The following ZBTB20 variants were observed in gnomAD, a reference collection of about 807,000 sequenced individuals.
ZBTB20 encodes zinc finger and BTB domain containing 20.
Under a neutral mutation model 56.9 loss-of-function variants are expected in ZBTB20, and 9 were observed. That is an observed-to-expected ratio of 0.16 (90% CI 0.10 to 0.28). ZBTB20 has a LOEUF of 0.28. Ranked by LOEUF, ZBTB20 falls within the 10% of genes least tolerant of loss-of-function variation. The pLI is 1.00. For missense variants in ZBTB20, 655 were observed against 1,003.0 expected (o/e 0.65, Z 4.69); for synonymous variants, 417 against 420.7 (o/e 0.99, Z 0.11).
At chr3:114,388,605 G>A (rs2085436946) in intron 8 of ZBTB20, 1 of 152,360 alleles carries the variant, frequency 6.6e-6, no homozygotes. Flanking sequence ...AAAGCTGCTG[G>A]TCACAGATTT....
chr3:114,990,785 G>C (rs905886734), intron 2 of ZBTB20, among the ~76,000 whole-genome samples: 6 of 151,960 alleles, frequency 3.9e-5, no homozygotes, highest in Admixed American at 1.3e-4. Flanking sequence ...ATTTCAGAGC[G>C]TGTTATTGGT....
chr3:114,526,928 C>T (rs1046015590), intron 6 of ZBTB20, among the ~76,000 whole-genome samples: 4 of 152,166 alleles, frequency 2.6e-5, no homozygotes, highest in African/African-American at 9.6e-5. Flanking sequence ...CCCTTCTCCC[C>T]TCCTCCAGAT....
intron 6 of ZBTB20, among the ~76,000 whole-genome samples, chr3:114,579,669 C>T (rs2054447285): frequency 6.7e-6 from 1 of 150,118 alleles, no homozygotes. Context: ...GTAAATGAAA[C>T]AGAAAAATGT....
In ZBTB20 at chr3:114,338,679, A is replaced by G. The variant is rs1422964289; in HGVS notation, c.*326T>C. On this transcript the variant is annotated 3_prime_UTR_variant, in exon 12 of 12. Transcript: ENST00000675478. ...TTTTTTTTTTTTTTACTTTTTTTTAAAAGATTTTTTTGTAAAGAAGGGTTG... is the reference window on the plus strand; with the variant it reads ...TTTTTTTTTTTTTTACTTTTTTTTAGAAGATTTTTTTGTAAAGAAGGGTTG... The G allele has an allele frequency of 1.0e-5, 2 of 195,180 alleles. No individual in the cohort carries two copies. The highest frequency in any genetic ancestry group is 2.1e-5 in the Non-Finnish European group (2 of 97,538). The allele number at this position is 195,180 out of a possible 1,614,324, so 12.1% of individuals were successfully genotyped here.
chr3:114,552,984 G>A (rs59365855), intron 6 of ZBTB20, among the ~76,000 whole-genome samples: 5,357 of 152,246 alleles, frequency 0.035, 318 homozygotes, highest in African/African-American at 0.12. Flanking sequence ...GTCACTCCAA[G>A]AAGTGTCCTC....
At chr3:114,353,241 C>G (rs1235135152) in intron 10 of ZBTB20, among the ~76,000 whole-genome samples, 1 of 152,160 alleles carries the variant, frequency 6.6e-6, no homozygotes, top group African/African-American at 2.4e-5. Flanking sequence ...ACCCAAATCT[C>G]TCTGTCTTGT....
At chr3:114,827,372 A>AATTTT (rs199894156) in intron 4 of ZBTB20, among the ~76,000 whole-genome samples, 1,747 of 151,894 alleles carry the variant, frequency 0.012, 25 homozygotes, top group Non-Finnish European at 0.014. Flanking sequence ...GAGAAAGGTA[A>AATTTT]AGGCCGGGAC....
At chr3:114,614,144 G>T (rs560330699) in intron 6 of ZBTB20, among the ~76,000 whole-genome samples, 40 of 152,200 alleles carry the variant, frequency 2.6e-4, no homozygotes, top group African/African-American at 9.6e-4. Flanking sequence ...GAGTTGCCCT[G>T]CCTCATCTTG....
At chr3:114,454,247 G>A (rs576306111) in intron 7 of ZBTB20, among the ~76,000 whole-genome samples, 10 of 148,178 alleles carry the variant, frequency 6.7e-5, no homozygotes, top group South Asian at 4.3e-4. Context: ...AGGAAGCAGC[G>A]TTTTTTTCTT....
At chr3:114,477,354 T>C (rs1057141910) in intron 7 of ZBTB20, among the ~76,000 whole-genome samples, 8 of 152,298 alleles carry the variant, frequency 5.3e-5, no homozygotes, top group Non-Finnish European at 1.2e-4. Context: ...GTTTTCTGAT[T>C]ACTTTATAGA....
intron 5 of ZBTB20, among the ~76,000 whole-genome samples, chr3:114,697,179 T>C (rs1026905456): frequency 6.6e-6 from 1 of 151,608 alleles, no homozygotes; most frequent in Admixed American, 6.6e-5. Flanking sequence ...CTGGCTTTTT[T>C]ACATAAATAT....
At position 114,350,217 on chromosome 3, in the gene ZBTB20, C is replaced by A; in HGVS notation, c.1804+57G>T. The A allele has an allele frequency of 3.2e-6, 5 of 1,540,364 alleles. No homozygotes were observed. The South Asian group carries it at 6.3e-5, about 19-fold the overall frequency. ...CCCTTCTACCTGCTCTCTTACCTTGCCTTCCCACAGCCCCCTCAGCCCCTG... is the reference window on the plus strand; with the variant it reads ...CCCTTCTACCTGCTCTCTTACCTTGACTTCCCACAGCCCCCTCAGCCCCTG... On this transcript the variant is annotated intron_variant, in intron 11 of 11. Coordinates refer to ENST00000675478, the MANE Select transcript of ZBTB20 (RefSeq NM_001348800.3).
intron 3 of ZBTB20, among the ~76,000 whole-genome samples, chr3:114,933,348 C>T (rs1014788964): frequency 2.0e-5 from 3 of 152,218 alleles, no homozygotes; most frequent in Admixed American, 6.5e-5. Context: ...TTCTGGGATA[C>T]TCTGGAAAAC....
At chr3:114,884,512 A>T (rs680782) in intron 4 of ZBTB20, among the ~76,000 whole-genome samples, 127,233 of 152,106 alleles carry the variant, frequency 0.84, 54,296 homozygotes, top group East Asian at 0.99. Flanking sequence ...GTGAATGAAC[A>T]GTTGATTAGA....
At chr3:114,723,857 G>T (rs920492474) in intron 5 of ZBTB20, among the ~76,000 whole-genome samples, 27 of 151,886 alleles carry the variant, frequency 1.8e-4, no homozygotes, top group African/African-American at 6.5e-4. Context: ...ATATACTTGG[G>T]TTTCTTTCCT....
intron 5 of ZBTB20, among the ~76,000 whole-genome samples, chr3:114,751,792 T>A (rs550709424): frequency 1.3e-5 from 2 of 152,290 alleles, no homozygotes; most frequent in Middle Eastern, 3.4e-3. Context: ...TTAGTCCACA[T>A]AATGTCATTT....
intron 4 of ZBTB20, among the ~76,000 whole-genome samples, chr3:114,825,472 T>C (rs968258783): frequency 1.3e-5 from 2 of 151,900 alleles, no homozygotes; most frequent in African/African-American, 2.4e-5. Flanking sequence ...GTTTCTCTCA[T>C]AACTCCAGAA....
intron 6 of ZBTB20, among the ~76,000 whole-genome samples, chr3:114,589,345 A>G (rs1472412387): frequency 6.6e-6 from 1 of 152,104 alleles, no homozygotes; most frequent in Admixed American, 6.5e-5. Flanking sequence ...CTCACCCAAC[A>G]TGATTTAAAT....
At chr3:114,391,901 C>A (rs2085909777) in intron 7 of ZBTB20, among the ~76,000 whole-genome samples, 1 of 152,238 alleles carries the variant, frequency 6.6e-6, no homozygotes, top group Non-Finnish European at 1.5e-5. Context: ...CACCAATAGG[C>A]CCAACAGATC....
Sources: allele counts gnomAD v4.1 joint callset (sites outside exome capture counted in the v4.1 genomes callset), GRCh38; gene constraint gnomAD v4.1.1; transcripts MANE v1.5; gene names NCBI Gene and HGNC (gene_info 2026-07-23, HGNC 2026-07-21).